Variants in DNM3 observed in about 807,000 individuals in gnomAD.
The protein encoded by DNM3 is dynamin-3.
DNM3 carries 47 observed loss-of-function variants against 101.6 expected under a neutral mutation model. That is an observed-to-expected ratio of 0.46 (90% CI 0.37 to 0.59). The LOEUF (loss-of-function observed/expected upper bound fraction) is 0.59, where lower values mean the gene tolerates loss of function less well. DNM3 is among the 20% of genes least tolerant of loss of function. The pLI is 0.00. For synonymous variants in DNM3, 385 were observed against 387.9 expected, an observed-to-expected ratio of 0.99 and a Z score of 0.09; for missense variants, 849 against 1,085.7, an observed-to-expected ratio of 0.78 and a Z score of 3.06.
At chr1:172,314,964 C>T (rs562684423) in intron 16 of DNM3, among the ~76,000 whole-genome samples, 1 of 152,136 alleles carries the variant, frequency 6.6e-6, no homozygotes, top group East Asian at 1.9e-4. Flanking sequence ...CCCTGACTCC[C>T]GAGCAGCCTA....
chr1:172,235,929 G>A (rs1573066445), intron 14 of DNM3, among the ~76,000 whole-genome samples: 1 of 152,170 alleles, frequency 6.6e-6, no homozygotes, highest in Non-Finnish European at 1.5e-5. Flanking sequence ...ACACCAACAT[G>A]ACACATGTAT....
chr1:172,379,232 G>GGAA (rs2068765017), intron 18 of DNM3, 50 bp downstream of exon 18: 1 of 1,427,790 alleles, frequency 7.0e-7, no homozygotes, highest in African/African-American at 1.4e-5. Flanking sequence ...ATCCGAGTGT[G>GGAA]GAAGTTGCAC....
At chr1:172,296,982 A>T (rs1161710652) in intron 15 of DNM3, among the ~76,000 whole-genome samples, 1 of 152,120 alleles carries the variant, frequency 6.6e-6, no homozygotes, top group Non-Finnish European at 1.5e-5. Flanking sequence ...ATCTAGACTA[A>T]AGATGCAAAA....
chr1:172,119,502 G>A (rs949475327), intron 13 of DNM3, among the ~76,000 whole-genome samples: 3 of 151,774 alleles, frequency 2.0e-5, no homozygotes, highest in African/African-American at 4.8e-5. Flanking sequence ...GCCCCGCCTC[G>A]GTTTCCTTCA....
intron 14 of DNM3, among the ~76,000 whole-genome samples, chr1:172,213,777 A>G (rs2060596896): frequency 6.6e-6 from 1 of 151,800 alleles, no homozygotes; most frequent in African/African-American, 2.4e-5. Flanking sequence ...GTGCTGAACC[A>G]AGATCATGTC....
intron 14 of DNM3, chr1:172,144,628 A>G (rs1228348845): frequency 3.7e-6 from 2 of 533,462 alleles, no homozygotes; most frequent in Admixed American, 3.9e-5. Flanking sequence ...ACGGAGCAGG[A>G]TCTCCAGAAG....
chr1:171,972,135 T>C (rs531643531), intron 2 of DNM3, among the ~76,000 whole-genome samples: 7 of 152,362 alleles, frequency 4.6e-5, no homozygotes, highest in Admixed American at 4.6e-4. Context: ...AAATCAAAGA[T>C]GTAGAAGACA....
At chr1:171,927,583 T>C (rs2040677751) in intron 2 of DNM3, among the ~76,000 whole-genome samples, 1 of 152,232 alleles carries the variant, frequency 6.6e-6, no homozygotes, top group South Asian at 2.1e-4. Flanking sequence ...ATTGTAGCAC[T>C]ATTCACAATA....
At chr1:172,392,420 C>T (rs2069600765) in intron 20 of DNM3, among the ~76,000 whole-genome samples, 1 of 69,138 alleles carries the variant, frequency 1.4e-5, no homozygotes, top group South Asian at 5.5e-4. Context: ...AAATCCAATC[C>T]AGTGTGTATT....
At chr1:172,102,509 A>G (rs1205285469) in intron 13 of DNM3, among the ~76,000 whole-genome samples, 1 of 152,170 alleles carries the variant, frequency 6.6e-6, no homozygotes, top group Non-Finnish European at 1.5e-5. Flanking sequence ...TGTTCTTTCC[A>G]TATTTTTACA....
At chr1:172,184,385 T>C (rs923449908) in intron 14 of DNM3, among the ~76,000 whole-genome samples, 80 of 152,164 alleles carry the variant, frequency 5.3e-4, no homozygotes, top group African/African-American at 1.8e-3. Context: ...AAAACCCATC[T>C]GCAGAGACAC....
chr1:171,945,162 G>T (rs2125429351), intron 2 of DNM3, among the ~76,000 whole-genome samples: 1 of 152,086 alleles, frequency 6.6e-6, no homozygotes, highest in Non-Finnish European at 1.5e-5. Context: ...GAGCTACTGT[G>T]CCTGGCCTAT....
intron 14 of DNM3, among the ~76,000 whole-genome samples, chr1:172,179,770 C>T (rs1281113674): frequency 6.6e-6 from 1 of 151,874 alleles, no homozygotes; most frequent in Non-Finnish European, 1.5e-5. Context: ...TCTGTAAAAG[C>T]ACTTCTTCAT....
At chr1:172,390,823 G>C (rs1450534625) in intron 20 of DNM3, among the ~76,000 whole-genome samples, 1 of 152,230 alleles carries the variant, frequency 6.6e-6, no homozygotes, top group Non-Finnish European at 1.5e-5. Context: ...TGCCATGCAG[G>C]AGCTACTTTT....
chr1:172,281,067 TTGTGTG>T (rs141875053), intron 15 of DNM3, among the ~76,000 whole-genome samples: 57 of 148,718 alleles, frequency 3.8e-4, no homozygotes, highest in African/African-American at 1.1e-3. Flanking sequence ...TGTGATAATA[TTGTGTG>T]TGTGTGTGTG....
intron 1 of DNM3, among the ~76,000 whole-genome samples, chr1:171,912,678 C>G (rs1303578102): frequency 2.0e-5 from 3 of 152,186 alleles, no homozygotes; most frequent in African/African-American, 7.2e-5. Flanking sequence ...TGATGTCACT[C>G]AAAACCTCTA....
At chr1:171,954,730 A>G (rs1013784411) in intron 2 of DNM3, among the ~76,000 whole-genome samples, 5 of 152,198 alleles carry the variant, frequency 3.3e-5, no homozygotes, top group Non-Finnish European at 7.3e-5. Flanking sequence ...AATTACACCA[A>G]AGGAAAACAC....
intron 4 of DNM3, among the ~76,000 whole-genome samples, chr1:172,027,613 C>CAG (rs1354706108): frequency 1.5e-4 from 21 of 141,404 alleles, no homozygotes; most frequent in African/African-American, 4.7e-4. Context: ...CACACACACA[C>CAG]ACACAGAGAG....
At chr1:171,900,537 T>C (rs1230198143) in intron 1 of DNM3, among the ~76,000 whole-genome samples, 1 of 152,042 alleles carries the variant, frequency 6.6e-6, no homozygotes, top group Non-Finnish European at 1.5e-5. Context: ...TTCACCACTT[T>C]TAGGAATGAG....
Sources: allele counts gnomAD v4.1 joint callset (sites outside exome capture counted in the v4.1 genomes callset), GRCh38; gene constraint gnomAD v4.1.1; transcripts MANE v1.5; gene names NCBI Gene and HGNC (gene_info 2026-07-23, HGNC 2026-07-21).